Variants in B3GAT3 observed in about 807,000 individuals in gnomAD.
B3GAT3 encodes the protein galactosylgalactosylxylosylprotein 3-beta-glucuronosyltransferase 3.
A neutral mutation model predicts 33.1 loss-of-function variants in B3GAT3; 19 were observed. That is an observed-to-expected ratio of 0.57 (90% confidence interval 0.40 to 0.84). The LOEUF (loss-of-function observed/expected upper bound fraction) is 0.84. Among genes scored for constraint, B3GAT3 ranks in the 40% least tolerant of loss-of-function variants. The pLI, the probability that B3GAT3 is intolerant of heterozygous loss-of-function variation, is 0.00. For missense variants in B3GAT3, 344 were observed against 441.5 expected (o/e 0.78, Z 1.98); for synonymous variants, 167 against 193.5 (o/e 0.86, Z 1.14).
Position 62,621,957 on chromosome 11 carries a change from G to A in B3GAT3, c.-10C>T, listed in dbSNP as rs1458255158. On this transcript the variant is annotated 5_prime_UTR_variant, in exon 1 of 5. Transcript: ENST00000265471. ...TCAGCTTCAGCTTCATGGCCGCGCC[G>A]CCGCCCGCGCCCGAGCAGGCGGGGT... is the stretch of plus-strand genomic sequence containing the variant. 48 of 1,612,508 alleles carry A rather than the reference G, an allele frequency of 3.0e-5. No individual in the cohort carries two copies. The highest frequency in any genetic ancestry group is 3.7e-5 in the Non-Finnish European group (44 of 1,179,248).
Position 62,621,951 on chromosome 11 carries a change from C to G in B3GAT3, c.-4G>C. ...CGTTCTTCAGCTTCAGCTTCATGGC[C>G]GCGCCGCCGCCCGCGCCCGAGCAGG... On this transcript the variant is annotated 5_prime_UTR_variant, in exon 1 of 5. Coordinates refer to ENST00000265471, the MANE Select transcript of B3GAT3 (RefSeq NM_012200.4). 1 of 1,612,804 alleles carries G rather than the reference C, an allele frequency of 6.2e-7. No homozygotes were observed. Among genetic ancestry groups the G allele is most frequent in the Non-Finnish European group, 8.5e-7 (1 of 1,179,290 alleles).
chr11:62,616,711 C>T lies in B3GAT3; in HGVS notation c.704G>A (p.Arg235Gln), dbSNP rs758179182. 1.9e-5 allele frequency: 31 copies of T among 1,613,990 alleles called. No individual in the cohort carries two copies. The highest frequency in any genetic ancestry group is 5.0e-5 in the Admixed American group (3 of 59,998). Residue 235 changes from arginine to glutamine, a missense_variant, in exon 4 of 5, where the codon CGG (arginine) becomes CAG (glutamine). Arg to Gln is a conservative substitution (Grantham distance 43). Coordinates refer to ENST00000265471, the MANE Select transcript of B3GAT3 (RefSeq NM_012200.4). ...RFEGPQVQDG[R>Q]VVGFHTAWEP... ...CCATGCTGTGTGGAAGCCCACTACCCGGCCGTCCTGTACCTGAGGGCCCTC... is the reference window on the plus strand; with the variant it reads ...CCATGCTGTGTGGAAGCCCACTACCTGGCCGTCCTGTACCTGAGGGCCCTC...
At chr11:62,619,166 C>T (rs1178624782) in intron 2 of B3GAT3, among the ~76,000 whole-genome samples, 3 of 85,934 alleles carry the variant, frequency 3.5e-5, no homozygotes, top group African/African-American at 1.3e-4. Context: ...TGCGGGGAGG[C>T]GGGGGGAAGA....
chr11:62,617,250 G>A lies in B3GAT3; in HGVS notation c.355C>T (p.Pro119Ser). Residue 119 changes from proline to serine, a missense_variant, in exon 3 of 5, where the codon CCG becomes TCG. By Grantham distance (74) the Pro-to-Ser change is moderately conservative. Coordinates refer to ENST00000265471, the MANE Select transcript of B3GAT3 (RefSeq NM_012200.4). ...GCAGCCAGCAGCCCTGAGACCAGCGGGGTGGGACCCTCAGCATCCTCCACC... is the reference window on the plus strand; with the variant it reads ...GCAGCCAGCAGCCCTGAGACCAGCGAGGTGGGACCCTCAGCATCCTCCACC... The part of the protein sequence containing the change: ...LLVEDAEGPT[P>S]LVSGLLAASG... 6.2e-7 allele frequency: 1 copy of A among 1,613,260 alleles called. No homozygotes were observed. The highest frequency in any genetic ancestry group is 8.5e-7 in the Non-Finnish European group (1 of 1,179,866).
intron 4 of B3GAT3, 107 bp from the exon 5 acceptor site, chr11:62,615,906 C>T (rs1320439795): frequency 1.3e-6 from 2 of 1,542,004 alleles, no homozygotes; most frequent in Non-Finnish European, 1.7e-6. Context: ...ACAGTATAGG[C>T]TTCAAAGTGT....
intron 1 of B3GAT3, 49 bp from the exon 2 acceptor site, chr11:62,620,720 G>A (rs1377115927): frequency 1.9e-6 from 3 of 1,560,426 alleles, no homozygotes; most frequent in South Asian, 1.1e-5. Flanking sequence ...ACAGAGAACC[G>A]CAGAATGTTC....
chr11:62,621,927 G>C lies in B3GAT3; in HGVS notation c.21C>G (p.Asn7Lys), dbSNP rs779934549. The C allele has an allele frequency of 8.1e-6, 13 of 1,612,948 alleles. No individual in the cohort carries two copies. The highest frequency in any genetic ancestry group is 1.1e-5 in the Non-Finnish European group (13 of 1,179,392). Residue 7 changes from asparagine to lysine, a missense_variant, in exon 1 of 5, where the codon AAC (asparagine) becomes AAG (lysine). Physicochemically the swap from Asn to Lys is moderately conservative, Grantham distance 94 (BLOSUM62 0). Coordinates refer to ENST00000265471, the MANE Select transcript of B3GAT3 (RefSeq NM_012200.4). MKLKLK[N>K]VFLAYFLVSI... is the part of the protein sequence containing the mutation. ...ACACCAGGAAGTAGGCGAGAAACAC[G>C]TTCTTCAGCTTCAGCTTCATGGCCG...
rs1354063565 is a variant in B3GAT3 at position 62,617,441 on chromosome 11, T to A, written c.258-94A>T. The A allele has an allele frequency of 7.1e-6, 11 of 1,556,680 alleles. No individual in the cohort carries two copies. The East Asian group carries it at 2.5e-4, about 35-fold the overall frequency. ...AGCTTCTCCTGGGCCACTGCCTGCG[T>A]CTCCTGTGGCCCTTCCCAACCAATG... On this transcript the variant is annotated intron_variant, in intron 2 of 4. Coordinates refer to ENST00000265471, the MANE Select transcript of B3GAT3 (RefSeq NM_012200.4).
chr11:62,616,433 G>C, intron 4 of B3GAT3, 73 bp downstream of exon 4: 1 of 1,599,450 alleles, frequency 6.3e-7, no homozygotes, highest in African/African-American at 1.3e-5. Flanking sequence ...CCCATTCCCA[G>C]GGTCTCACTG....
intron 2 of B3GAT3, among the ~76,000 whole-genome samples, chr11:62,617,637 G>A (rs2134431570): frequency 6.6e-6 from 1 of 152,164 alleles, no homozygotes; most frequent in South Asian, 2.1e-4. Context: ...CACTTTGGGA[G>A]GCTGAGGCAG....
At chr11:62,615,899 G>A in intron 4 of B3GAT3, 100 bp from the exon 5 acceptor site, 6 of 1,547,262 alleles carry the variant, frequency 3.9e-6, no homozygotes, top group Non-Finnish European at 5.2e-6. Context: ...GACATATACA[G>A]TATAGGCTTC....
chr11:62,618,851 C>T (rs1351149500), intron 2 of B3GAT3, among the ~76,000 whole-genome samples: 2 of 151,664 alleles, frequency 1.3e-5, no homozygotes, highest in Non-Finnish European at 2.9e-5. Context: ...GGTGTGGTGG[C>T]GCATGCTTGT....
chr11:62,618,191 A>AC (rs1554968905), intron 2 of B3GAT3, among the ~76,000 whole-genome samples: 1 of 150,708 alleles, frequency 6.6e-6, no homozygotes, highest in Non-Finnish European at 1.5e-5. Context: ...AAAAAAAAAA[A>AC]AAAAAAAAAA....
intron 1 of B3GAT3, 33 bp from the exon 2 acceptor site, chr11:62,620,704 GT>G (rs1943129952): frequency 1.3e-6 from 2 of 1,597,394 alleles, no homozygotes; most frequent in Non-Finnish European, 1.7e-6. Context: ...GGGAAAGAAG[GT>G]GGGGACAGAG....
At chr11:62,621,418 A>G (rs988556191) in intron 1 of B3GAT3, 3 of 432,010 alleles carry the variant, frequency 6.9e-6, no homozygotes, top group Non-Finnish European at 1.4e-5. Context: ...GTGGTCAGGG[A>G]AGGCCTCTCT....
chr11:62,616,637 G>C lies in B3GAT3; in HGVS notation c.778C>G (p.Leu260Val), dbSNP rs1349289986. ...PVDMAGFAVA[L>V]PLLLDKPNAQ... ...TTGGGCTTATCTAACAGCAAGGGCA[G>C]GGCCACGGCAAATCCAGCCATATCC... Residue 260 changes from leucine (L) to valine (V), a missense_variant, in exon 4 of 5, where the codon CTG becomes GTG. Physicochemically the swap from Leu to Val is conservative, Grantham distance 32. Coordinates refer to ENST00000265471, the MANE Select transcript of B3GAT3 (RefSeq NM_012200.4). The C allele has an allele frequency of 2.5e-6, 4 of 1,614,120 alleles. No homozygotes were observed. The highest frequency in any genetic ancestry group is 3.4e-6 in the Non-Finnish European group (4 of 1,180,048).
chr11:62,620,465 C>G, intron 2 of B3GAT3, 32 bp downstream of exon 2: 1 of 1,606,518 alleles, frequency 6.2e-7, no homozygotes, highest in Non-Finnish European at 8.5e-7. Context: ...TCTTGGACAA[C>G]GCAGACCTCT....
intron 4 of B3GAT3, 84 bp from the exon 5 acceptor site, chr11:62,615,883 C>T (rs1414080419): frequency 3.3e-5 from 51 of 1,563,750 alleles, no homozygotes; most frequent in Non-Finnish European, 4.1e-5. Flanking sequence ...ATTCTCTAAC[C>T]CTATCGACAT....
chr11:62,621,082 T>C, intron 1 of B3GAT3: 1 of 466,154 alleles, frequency 2.1e-6, no homozygotes, highest in South Asian at 1.5e-5. Flanking sequence ...GCACTGTCCC[T>C]AAATCTTTGC....
Sources: allele counts gnomAD v4.1 joint callset (sites outside exome capture counted in the v4.1 genomes callset), GRCh38; gene constraint gnomAD v4.1.1; transcripts MANE v1.5; gene names NCBI Gene and HGNC (gene_info 2026-07-23, HGNC 2026-07-21).